RERE: variants seen among roughly 807,000 people sequenced by gnomAD.
RERE encodes arginine-glutamic acid dipeptide repeats protein.
Under a neutral mutation model 146.1 loss-of-function variants are expected in RERE, and 40 were observed. The ratio of observed to expected loss-of-function variants is 0.27; its 90% CI spans 0.21 to 0.36. The LOEUF is 0.36. Among genes scored for constraint, RERE ranks in the 10% least tolerant of loss-of-function variants. RERE has a pLI of 1.00. For missense variants in RERE, 1,933 were observed against 2,138.7 expected (o/e 0.90, Z 1.90); for synonymous variants, 1,003 against 866.0 (o/e 1.16, Z -2.78).
chr1:8,800,974 T>C (rs1313881281), intron 1 of RERE, among the ~76,000 whole-genome samples: 1 of 150,992 alleles, frequency 6.6e-6, no homozygotes, highest in African/African-American at 2.4e-5. Context: ...AAAAAAATTG[T>C]AAGGCCAGGC....
chr1:8,394,084 G>C (rs916226202), intron 12 of RERE, among the ~76,000 whole-genome samples: 1 of 152,166 alleles, frequency 6.6e-6, no homozygotes, highest in African/African-American at 2.4e-5. Context: ...CAAGATGAAG[G>C]ATGGTGACCT....
chr1:8,569,310 A>G (rs185233219), intron 4 of RERE, among the ~76,000 whole-genome samples: 1 of 152,070 alleles, frequency 6.6e-6, no homozygotes, highest in African/African-American at 2.4e-5. Context: ...TTTTTGTAAT[A>G]ATACTTTGGT....
intron 1 of RERE, among the ~76,000 whole-genome samples, chr1:8,708,393 C>G (rs1355509176): frequency 6.6e-6 from 1 of 152,162 alleles, no homozygotes; most frequent in Non-Finnish European, 1.5e-5. Flanking sequence ...TCACCGCAAC[C>G]TCTGCTCACC....
chr1:8,546,795 C>T (rs559616427), intron 6 of RERE, among the ~76,000 whole-genome samples: 1 of 151,464 alleles, frequency 6.6e-6, no homozygotes, highest in Non-Finnish European at 1.5e-5. Context: ...TTGCAGTGAG[C>T]CAAGATGGCG....
intron 10 of RERE, among the ~76,000 whole-genome samples, chr1:8,494,172 T>A (rs181808904): frequency 6.6e-6 from 1 of 152,318 alleles, no homozygotes; most frequent in Admixed American, 6.5e-5. Flanking sequence ...TTACTTTTAA[T>A]TTTTTAGAAA....
chr1:8,485,154 G>C (rs1255767746), intron 10 of RERE, among the ~76,000 whole-genome samples: 2 of 152,132 alleles, frequency 1.3e-5, no homozygotes, highest in Non-Finnish European at 2.9e-5. Context: ...CTGATGTAGG[G>C]AGTTCAAGAC....
intron 7 of RERE, chr1:8,519,699 G>A (rs1190447970): frequency 6.6e-6 from 1 of 152,056 alleles, no homozygotes; most frequent in African/African-American, 2.4e-5. Flanking sequence ...AGTTCCCGAA[G>A]TACCACTTAC....
At chr1:8,730,622 C>A (rs554810280) in intron 1 of RERE, among the ~76,000 whole-genome samples, 5 of 152,284 alleles carry the variant, frequency 3.3e-5, no homozygotes, top group African/African-American at 1.2e-4. Context: ...GGATTACAGG[C>A]ATGAGCCACT....
chr1:8,364,000 C>A, intron 15 of RERE, 56 bp downstream of exon 15: 5 of 1,533,674 alleles, frequency 3.3e-6, no homozygotes, highest in Non-Finnish European at 4.5e-6. Flanking sequence ...CAAGCCCCCA[C>A]ACATCCCAGG....
intron 4 of RERE, among the ~76,000 whole-genome samples, chr1:8,606,462 T>C (rs1646709895): frequency 6.6e-6 from 1 of 152,158 alleles, no homozygotes; most frequent in African/African-American, 2.4e-5. Context: ...GAATAAATAT[T>C]TAGGATGCTC....
At chr1:8,735,088 C>T (rs1640170772) in intron 1 of RERE, among the ~76,000 whole-genome samples, 1 of 152,152 alleles carries the variant, frequency 6.6e-6, no homozygotes, top group African/African-American at 2.4e-5. Flanking sequence ...GACTATCTAA[C>T]TTAAACTTCT....
intron 1 of RERE, among the ~76,000 whole-genome samples, chr1:8,682,960 C>T (rs141591726): frequency 7.3e-6 from 1 of 137,814 alleles, no homozygotes; most frequent in East Asian, 2.2e-4. Flanking sequence ...AAAATAAACA[C>T]TGGTATAGCC....
At chr1:8,734,113 T>G (rs1328404762) in intron 1 of RERE, among the ~76,000 whole-genome samples, 1 of 151,948 alleles carries the variant, frequency 6.6e-6, no homozygotes, top group East Asian at 1.9e-4. Flanking sequence ...TCTCAAAAAT[T>G]AAAATAAAAT....
intron 12 of RERE, among the ~76,000 whole-genome samples, chr1:8,388,075 T>A (rs969386000): frequency 6.6e-6 from 1 of 152,174 alleles, no homozygotes; most frequent in Non-Finnish European, 1.5e-5. Context: ...TACCACAGGA[T>A]GCAGAGCTGC....
intron 11 of RERE, among the ~76,000 whole-genome samples, chr1:8,450,292 C>T (rs1017027763): frequency 3.9e-5 from 6 of 152,004 alleles, no homozygotes; most frequent in African/African-American, 1.5e-4. Context: ...TAATGCACTT[C>T]GGCTCCATTT....
At chr1:8,558,769 A>G (rs1646036402) in intron 4 of RERE, among the ~76,000 whole-genome samples, 1 of 151,892 alleles carries the variant, frequency 6.6e-6, no homozygotes, top group African/African-American at 2.4e-5. Flanking sequence ...TCAAATGTGA[A>G]GATGTGTTAT....
intron 4 of RERE, among the ~76,000 whole-genome samples, chr1:8,610,324 C>T (rs1278534730): frequency 2.6e-5 from 4 of 152,128 alleles, no homozygotes; most frequent in Middle Eastern, 3.2e-3. Context: ...GGCACAGTGG[C>T]TCACGCCTGT....
intron 7 of RERE, among the ~76,000 whole-genome samples, chr1:8,524,309 C>A (rs989284526): frequency 2.0e-5 from 3 of 152,160 alleles, no homozygotes; most frequent in Non-Finnish European, 4.4e-5. Context: ...TCCTTAGTTG[C>A]AATCCCAAAA....
chr1:8,460,997 A>G (rs905294322), intron 11 of RERE, among the ~76,000 whole-genome samples: 5 of 152,212 alleles, frequency 3.3e-5, no homozygotes, highest in Non-Finnish European at 7.3e-5. Flanking sequence ...TCAAGCGGCA[A>G]CGGAATCCCA....
Sources: allele counts gnomAD v4.1 joint callset (sites outside exome capture counted in the v4.1 genomes callset), GRCh38; gene constraint gnomAD v4.1.1; transcripts MANE v1.5; gene names NCBI Gene and HGNC (gene_info 2026-07-23, HGNC 2026-07-21).